GRB14: variants seen among roughly 807,000 people sequenced by gnomAD.
GRB14 encodes the protein growth factor receptor bound protein 14.
Under a neutral mutation model 69.1 loss-of-function variants are expected in GRB14, and 38 were observed. The observed-to-expected ratio is 0.55, with a 90% confidence interval of 0.42 to 0.72. GRB14 has a LOEUF of 0.72. GRB14 is among the 30% of genes least tolerant of loss of function. The pLI, the probability that GRB14 is intolerant of heterozygous loss-of-function variation, is 0.00. For synonymous variants in GRB14, 247 were observed against 241.3 expected, an observed-to-expected ratio of 1.02 and a Z score of -0.22; for missense variants, 666 against 666.1, an observed-to-expected ratio of 1.00 and a Z score of 0.00.
At chr2:164,528,659 G>C (rs1467534010) in intron 3 of GRB14, among the ~76,000 whole-genome samples, 1 of 151,952 alleles carries the variant, frequency 6.6e-6, no homozygotes, top group African/African-American at 2.4e-5. Flanking sequence ...GGCTCCACTA[G>C]CTCCTTCTCC....
At chr2:164,517,537 T>C (rs1279335949) in intron 6 of GRB14, among the ~76,000 whole-genome samples, 1 of 152,158 alleles carries the variant, frequency 6.6e-6, no homozygotes. Context: ...TGACTGTAAA[T>C]GGCCTAAATG....
chr2:164,514,119 T>C (rs1687415814), intron 6 of GRB14, among the ~76,000 whole-genome samples: 1 of 152,232 alleles, frequency 6.6e-6, no homozygotes, highest in Non-Finnish European at 1.5e-5. Flanking sequence ...GACAGCATCA[T>C]AACTTCCTCT....
chr2:164,516,700 C>T (rs1040622231), intron 6 of GRB14, among the ~76,000 whole-genome samples: 1 of 152,156 alleles, frequency 6.6e-6, no homozygotes, highest in Non-Finnish European at 1.5e-5. Flanking sequence ...ACAAGAGCTG[C>T]TAAAAGGAGC....
At chr2:164,535,057 G>A (rs1688046247) in intron 3 of GRB14, among the ~76,000 whole-genome samples, 1 of 152,098 alleles carries the variant, frequency 6.6e-6, no homozygotes, top group Admixed American at 6.6e-5. Flanking sequence ...AAATAGGAGG[G>A]AAGCCCTCTT....
intron 2 of GRB14, among the ~76,000 whole-genome samples, chr2:164,549,988 T>C (rs1319785689): frequency 6.6e-6 from 1 of 152,084 alleles, no homozygotes; most frequent in African/African-American, 2.4e-5. Flanking sequence ...ACATGGGTGA[T>C]TTATTGCAGA....
chr2:164,570,870 A>C (rs187260548), intron 2 of GRB14, among the ~76,000 whole-genome samples: 41 of 152,360 alleles, frequency 2.7e-4, no homozygotes, highest in African/African-American at 8.2e-4. Flanking sequence ...CACTTAATAG[A>C]TGACTAGCTG....
chr2:164,497,341 T>G (rs1437837014), intron 10 of GRB14, 33 bp downstream of exon 10: 1 of 1,604,244 alleles, frequency 6.2e-7, no homozygotes, highest in African/African-American at 1.3e-5. Context: ...ACTGAAATCA[T>G]AAATATTTTG....
intron 2 of GRB14, among the ~76,000 whole-genome samples, chr2:164,549,412 C>T (rs1293126154): frequency 6.6e-6 from 1 of 152,090 alleles, no homozygotes; most frequent in African/African-American, 2.4e-5. Flanking sequence ...TTTTCTTATA[C>T]ACTGAATGAA....
chr2:164,526,903 A>G, intron 4 of GRB14, 111 bp downstream of exon 4: 1 of 587,020 alleles, frequency 1.7e-6, no homozygotes, highest in Non-Finnish European at 2.7e-6. Flanking sequence ...CAGAGTCTTC[A>G]TCTACAATTT....
At position 164,492,955 on chromosome 2, in the gene GRB14, T is replaced by C. The variant is rs922671780; in HGVS notation, c.*81A>G. ...AATACATTCTTTTCACATGGTAATG[T>C]TTTCGCCCTTATTTATGGTCTTTTA... is the stretch of plus-strand genomic sequence containing the variant. On this transcript the variant is annotated 3_prime_UTR_variant, in exon 14 of 14. Transcript: ENST00000263915. 3.1e-6 allele frequency: 4 copies of C among 1,309,894 alleles called. No individual in the cohort carries two copies. Among genetic ancestry groups the C allele is most frequent in the South Asian group, 1.6e-5 (1 of 64,388 alleles). The allele number at this position is 1,309,894 out of a possible 1,614,324, so 81.1% of individuals were successfully genotyped here.
rs150605882 is a variant in GRB14, at chr2:164,598,676, A to G, written c.324+21011T>C. Reference sequence around the variant, plus strand: ...TAGTTTTAAAGTAAAAAATTCAACGATCTTACAGGATGTTCTAAAGGCAAG... The same window carrying G: ...TAGTTTTAAAGTAAAAAATTCAACGGTCTTACAGGATGTTCTAAAGGCAAG... On this transcript the variant is annotated intron_variant, in intron 2 of 13. Coordinates refer to ENST00000263915, the MANE Select transcript of GRB14 (RefSeq NM_004490.3). Among the ~76,000 whole-genome samples the G allele has an allele frequency of 1.9e-4, 29 of 152,260 alleles. 1 individual carries two copies. Among genetic ancestry groups the G allele is most frequent in the South Asian group, 1.5e-3 (7 of 4,826 alleles).
chr2:164,502,132 CA>C lies in GRB14; in HGVS notation c.1104+122del. 3 of 538,130 alleles carry C rather than the reference CA, an allele frequency of 5.6e-6. No homozygotes were observed. The South Asian group carries it at 9.8e-5, about 18-fold the overall frequency. 33.3% of individuals were successfully genotyped at this position (538,130 alleles called of 1,614,324 possible). On this transcript the variant is annotated intron_variant, in intron 9 of 13. Coordinates refer to ENST00000263915, the MANE Select transcript of GRB14 (RefSeq NM_004490.3). ...ATGTAACATTATACTAGAATGGTGC[CA>C]AAGAGTTACTTTACCAACAGAAAAT...
At chr2:164,618,507 T>C (rs1690363913) in intron 2 of GRB14, among the ~76,000 whole-genome samples, 1 of 152,104 alleles carries the variant, frequency 6.6e-6, no homozygotes, top group South Asian at 2.1e-4. Context: ...TATTCCCCCT[T>C]TCAAAGATGC....
chr2:164,557,843 T>C (rs1277821040), intron 2 of GRB14, among the ~76,000 whole-genome samples: 2 of 152,130 alleles, frequency 1.3e-5, no homozygotes, highest in Non-Finnish European at 2.9e-5. Context: ...GATTCAGAAA[T>C]AGAGAATTTG....
chr2:164,599,560 G>C lies in GRB14; in HGVS notation c.324+20127C>G, dbSNP rs1394870736. 3.3e-5 allele frequency among the ~76,000 whole-genome samples: 5 copies of C among 152,176 alleles called. No individual in the cohort carries two copies. In the East Asian group the frequency reaches 9.6e-4, roughly 29 times the overall value. On this transcript the variant is annotated intron_variant, in intron 2 of 13. Transcript: ENST00000263915. Reference sequence around the variant, plus strand: ...GACAAAAAGAATGACAAAGTAGGCAGTGCTTTTCTGATTAACCAAGCTCAA... The same window carrying C: ...GACAAAAAGAATGACAAAGTAGGCACTGCTTTTCTGATTAACCAAGCTCAA...
chr2:164,553,280 C>T (rs1358822677), intron 2 of GRB14, among the ~76,000 whole-genome samples: 1 of 152,140 alleles, frequency 6.6e-6, no homozygotes, highest in Non-Finnish European at 1.5e-5. Flanking sequence ...GGATATGCCA[C>T]TATTTTCTTC....
intron 9 of GRB14, among the ~76,000 whole-genome samples, chr2:164,499,634 T>C (rs1284817357): frequency 1.3e-5 from 2 of 152,164 alleles, no homozygotes; most frequent in African/African-American, 4.8e-5. Flanking sequence ...ATGATTTTAA[T>C]GGCATGACTT....
intron 2 of GRB14, among the ~76,000 whole-genome samples, chr2:164,594,612 G>A (rs1269128174): frequency 6.6e-6 from 1 of 152,152 alleles, no homozygotes; most frequent in Non-Finnish European, 1.5e-5. Flanking sequence ...CAGGTGCACA[G>A]AGAACTTTGG....
chr2:164,515,262 C>T (rs550517242), intron 6 of GRB14, among the ~76,000 whole-genome samples: 18 of 152,298 alleles, frequency 1.2e-4, no homozygotes, highest in African/African-American at 4.3e-4. Context: ...CAACACAAAA[C>T]GAGCACAATA....
Sources: gnomAD v4.1 joint callset for allele counts (sites outside exome capture counted in the v4.1 genomes callset) on GRCh38, gnomAD v4.1.1 for gene constraint, MANE v1.5 for transcripts, NCBI Gene and HGNC (gene_info 2026-07-23, HGNC 2026-07-21) for gene names.